The following UBE4B variants were observed in gnomAD, a reference collection of about 807,000 sequenced individuals.
The protein encoded by UBE4B is ubiquitination factor E4B, also known as ubiquitin conjugation factor E4 B.
UBE4B carries 27 observed loss-of-function variants against 148.1 expected under a neutral mutation model. The ratio of observed to expected loss-of-function variants is 0.18; its 90% CI spans 0.13 to 0.25. UBE4B has a LOEUF of 0.25. Among genes scored for constraint, UBE4B ranks in the 10% least tolerant of loss-of-function variants. The probability of loss-of-function intolerance (pLI) is 1.00; values close to 1 mark genes in which losing one functional copy is unlikely to be tolerated. For missense variants in UBE4B, 1,170 were observed against 1,662.4 expected (o/e 0.70, Z 5.15); for synonymous variants, 596 against 619.3 (o/e 0.96, Z 0.56).
Position 10,144,947 on chromosome 1 carries a change from G to C in UBE4B, c.2371G>C (p.Glu791Gln), listed in dbSNP as rs1272589452. ...RAIRELNRTV[E>Q]DLKNNESQWK... is the part of the protein sequence containing the mutation. ...GTTAGTCTTTGATTTCAGAACTGTA[G>C]AAGATTTGAAAAATAATGAAAGCCA... The change falls in exon 18 of 28, where the codon GAA becomes CAA. Residue 791 changes from glutamate (E) to glutamine (Q), a missense_variant. Glu to Gln is a conservative substitution (Grantham distance 29, BLOSUM62 2). Transcript: ENST00000343090. 1 of 1,612,690 alleles carries C rather than the reference G, an allele frequency of 6.2e-7. No homozygotes were observed. Among genetic ancestry groups the C allele is most frequent in the African/African-American group, 1.3e-5 (1 of 74,836 alleles).
intron 10 of UBE4B, among the ~76,000 whole-genome samples, chr1:10,124,730 A>T (rs1034831493): frequency 9.4e-5 from 12 of 127,880 alleles, no homozygotes; most frequent in African/African-American, 4.5e-4. Context: ...ATGTTCACAG[A>T]TAAATAAATA....
intron 1 of UBE4B, among the ~76,000 whole-genome samples, chr1:10,053,433 G>C (rs1644093417): frequency 6.6e-6 from 1 of 151,184 alleles, no homozygotes; most frequent in Non-Finnish European, 1.5e-5. Flanking sequence ...ACAGGCGTGA[G>C]CCACTGCGCC....
At chr1:10,112,832 A>T (rs969899621) in intron 7 of UBE4B, among the ~76,000 whole-genome samples, 4 of 152,172 alleles carry the variant, frequency 2.6e-5, no homozygotes, top group African/African-American at 9.7e-5. Context: ...GAAACTGGCC[A>T]CTTTTCTTAC....
At chr1:10,040,478 T>A (rs572373796) in intron 1 of UBE4B, among the ~76,000 whole-genome samples, 3 of 152,054 alleles carry the variant, frequency 2.0e-5, no homozygotes, top group Non-Finnish European at 4.4e-5. Flanking sequence ...CTCAAACTCC[T>A]GGGCTCAAGT....
chr1:10,140,252 G>C (rs1418905487), intron 17 of UBE4B, among the ~76,000 whole-genome samples: 1 of 151,954 alleles, frequency 6.6e-6, no homozygotes, highest in Non-Finnish European at 1.5e-5. Context: ...TTAAATTCTA[G>C]GTTCTTAGGG....
chr1:10,107,377 A>G (rs1178936240), intron 7 of UBE4B: 1 of 1,287,450 alleles, frequency 7.8e-7, no homozygotes, highest in South Asian at 1.2e-5. Context: ...GGGTCCAGGT[A>G]TCAGAGGAAT....
Position 10,135,643 on chromosome 1 carries a change from G to A in UBE4B, c.2224+457G>A, listed in dbSNP as rs147312858. Among the ~76,000 whole-genome samples, 1,308 of 151,470 alleles carry A rather than the reference G, an allele frequency of 8.6e-3. 9 individuals carry two copies. The highest frequency in any genetic ancestry group is 0.019 in the African/African-American group (800 of 41,308). On this transcript the variant is annotated intron_variant, in intron 16 of 27. Coordinates refer to ENST00000343090, the MANE Select transcript of UBE4B (RefSeq NM_001105562.3). ...CCCAGCTACTCAGGAGGCTGAGGCA[G>A]GAGAATTGTGTGAACCCAGGAGGCT... is the stretch of plus-strand genomic sequence containing the variant.
chr1:10,162,408 T>C (rs139332035), intron 23 of UBE4B, among the ~76,000 whole-genome samples: 2,917 of 151,540 alleles, frequency 0.019, 36 homozygotes, highest in Non-Finnish European at 0.027. Context: ...CTCCTGACCT[T>C]GTGATCCGCC....
intron 10 of UBE4B, among the ~76,000 whole-genome samples, chr1:10,125,329 A>T (rs1369214588): frequency 6.6e-6 from 1 of 152,164 alleles, no homozygotes; most frequent in East Asian, 1.9e-4. Flanking sequence ...CCTCATTACA[A>T]TGTTGGCATT....
At chr1:10,162,109 G>A (rs551885730) in intron 23 of UBE4B, among the ~76,000 whole-genome samples, 8 of 150,630 alleles carry the variant, frequency 5.3e-5, no homozygotes, top group African/African-American at 1.2e-4. Flanking sequence ...AGCGATTTTC[G>A]TGCCTCAGCC....
At chr1:10,167,691 C>A (rs1287557767) in intron 23 of UBE4B, among the ~76,000 whole-genome samples, 1 of 146,746 alleles carries the variant, frequency 6.8e-6, no homozygotes, top group East Asian at 2.1e-4. Context: ...CTTCTGGGTT[C>A]AAGCAGTTCT....
chr1:10,103,270 T>C, intron 5 of UBE4B, 178 bp downstream of exon 5: 1 of 509,864 alleles, frequency 2.0e-6, no homozygotes, highest in Non-Finnish European at 3.4e-6. Flanking sequence ...TTTCCACTGA[T>C]CTTATCGATA....
At chr1:10,069,707 G>C (rs897902614) in intron 1 of UBE4B, among the ~76,000 whole-genome samples, 1 of 152,096 alleles carries the variant, frequency 6.6e-6, no homozygotes, top group African/African-American at 2.4e-5. Context: ...GCTGATCTTT[G>C]TATTTTTAGT....
chr1:10,122,104 A>T (rs765983079), intron 10 of UBE4B, 28 bp downstream of exon 10: 40 of 1,526,770 alleles, frequency 2.6e-5, no homozygotes, highest in Non-Finnish European at 3.5e-5. Context: ...TGCTCTTGCA[A>T]ATTTTAGCCT....
intron 7 of UBE4B, among the ~76,000 whole-genome samples, chr1:10,113,718 G>A (rs543123032): frequency 6.6e-6 from 1 of 152,144 alleles, no homozygotes; most frequent in Non-Finnish European, 1.5e-5. Context: ...CTGGCTGGGG[G>A]TGCTGCATCA....
intron 4 of UBE4B, 56 bp downstream of exon 4, chr1:10,101,251 C>T: frequency 6.4e-7 from 1 of 1,551,382 alleles, no homozygotes; most frequent in Non-Finnish European, 8.9e-7. Flanking sequence ...CATTTCATGT[C>T]TTGTATCTGT....
At chr1:10,069,539 T>C (rs1367949312) in intron 1 of UBE4B, among the ~76,000 whole-genome samples, 1 of 152,160 alleles carries the variant, frequency 6.6e-6, no homozygotes. Context: ...TACTGGTTTT[T>C]TTCTTATTTT....
At position 10,117,593 on chromosome 1, in the gene UBE4B, C is replaced by T; in HGVS notation, c.1331C>T (p.Ala444Val). 6.4e-7 allele frequency: 1 copy of T among 1,570,498 alleles called. No homozygotes were observed. The highest frequency in any genetic ancestry group is 8.6e-7 in the Non-Finnish European group (1 of 1,166,036). ...FDRVGIEEKK[A>V]PKMCSQPAVS... ...CGAGTTGGAATAGAGGAAAAAAAAG[C>T]ACCAAAGGTAATATGAAATGGATTA... Residue 444 changes from alanine (A) to valine (V), a missense_variant, in exon 8 of 28, where the codon GCA becomes GTA. By Grantham distance (64) the Ala-to-Val change is moderately conservative (BLOSUM62 0). Around this residue, in one of 6 missense-constraint regions of UBE4B, gnomAD observed 388 missense variants for 536.0 expected, o/e 0.72. Coordinates refer to ENST00000343090, the MANE Select transcript of UBE4B (RefSeq NM_001105562.3).
intron 1 of UBE4B, 68 bp from the exon 2 acceptor site, chr1:10,071,960 G>A (rs1280055303): frequency 2.1e-6 from 3 of 1,463,342 alleles, no homozygotes; most frequent in African/African-American, 1.4e-5. Flanking sequence ...TATGAATAAT[G>A]TCATTCTCTG....
Sources: allele counts gnomAD v4.1 joint callset (sites outside exome capture counted in the v4.1 genomes callset), GRCh38; gene constraint gnomAD v4.1.1; regional missense constraint gnomAD v4.1.1; transcripts MANE v1.5; gene names NCBI Gene and HGNC (gene_info 2026-07-23, HGNC 2026-07-21).